Variants in MRPL37 observed in about 807,000 individuals in gnomAD.
MRPL37 encodes the protein mitochondrial ribosomal protein L37.
A neutral mutation model predicts 44.1 loss-of-function variants in MRPL37; 34 were observed. The ratio of observed to expected loss-of-function variants is 0.77; its 90% CI spans 0.59 to 1.03. The LOEUF (loss-of-function observed/expected upper bound fraction) is 1.03. Among genes scored for constraint, MRPL37 ranks in the 50% least tolerant of loss-of-function variants. The pLI, the probability that MRPL37 is intolerant of heterozygous loss-of-function variation, is 0.00. For synonymous variants in MRPL37, 212 were observed against 219.5 expected (o/e 0.97, Z 0.30); for missense variants, 532 against 543.7 (o/e 0.98, Z 0.21).
At chr1:54,224,869 T>C (rs1644264377), downstream of MRPL37, among the ~76,000 whole-genome samples, 1 of 152,122 alleles carries the variant, frequency 6.6e-6, no homozygotes, top group Non-Finnish European at 1.5e-5. Context: ...CAGCATACAC[T>C]TTCCAAAATT....
At chr1:54,203,582 T>C (rs6695073) in intron 1 of MRPL37, among the ~76,000 whole-genome samples, 1,918 of 150,478 alleles carry the variant, frequency 0.013, 40 homozygotes, top group African/African-American at 0.044. Flanking sequence ...CAAGTGATTC[T>C]CCTGCCTCAG....
chr1:54,216,392 C>T (rs2100515652), intron 6 of MRPL37, 48 bp downstream of exon 6: 1 of 1,586,622 alleles, frequency 6.3e-7, no homozygotes, highest in Middle Eastern at 2.1e-4. Context: ...ATGCCTCCTC[C>T]TACCTGGTGT....
rs1027995215 is a variant in MRPL37 at position 54,200,413 on chromosome 1, CCAT to C, written c.173_175del (p.Ile58del). On this transcript the variant is annotated inframe_deletion, in exon 1 of 7. Coordinates refer to ENST00000360840, the MANE Select transcript of MRPL37 (RefSeq NM_016491.4). ...GTGTACGAGATCCCTGGACTGGAGC[CCAT>C]CACCTTTGCGGGGAAGATGCACTTC... 6.2e-7 allele frequency: 1 copy of C among 1,614,116 alleles called. No homozygotes were observed. Among genetic ancestry groups the C allele is most frequent in the Non-Finnish European group, 8.5e-7 (1 of 1,180,046 alleles).
At chr1:54,207,261 TCTTA>T (rs1644130618) in intron 3 of MRPL37, 1 of 152,232 alleles carries the variant, frequency 6.6e-6, no homozygotes, top group South Asian at 2.1e-4. Context: ...TGGGACCATA[TCTTA>T]CTCACATTGT....
chr1:54,217,819 G>A (rs1459752453), intron 6 of MRPL37, among the ~76,000 whole-genome samples: 4 of 152,178 alleles, frequency 2.6e-5, no homozygotes, highest in Non-Finnish European at 4.4e-5. Flanking sequence ...GGATATAGGC[G>A]CAGCAGAAAG....
Position 54,218,188 on chromosome 1 carries a change from T to C in MRPL37, c.1211T>C (p.Val404Ala). 1 of 1,614,240 alleles carries C rather than the reference T, an allele frequency of 6.2e-7. No homozygotes were observed. ...TCTTTCCAGGAACCTGTTGGCCCAGTTGGTTTCAAGCCAGAGACATTCAGA... is the reference window on the plus strand; with the variant it reads ...TCTTTCCAGGAACCTGTTGGCCCAGCTGGTTTCAAGCCAGAGACATTCAGA... ...KRVVVEPVGP[V>A]GFKPETFRKF... is the part of the protein sequence containing the mutation. Residue 404 changes from valine (V) to alanine (A), a missense_variant, in exon 7 of 7, where the codon GTT becomes GCT. Transcript: ENST00000360840.
At chr1:54,219,299 TG>T (rs753094140), downstream of MRPL37, among the ~76,000 whole-genome samples, 10 of 152,330 alleles carry the variant, frequency 6.6e-5, no homozygotes, top group Non-Finnish European at 1.0e-4. Context: ...GAGCAGTTAG[TG>T]TGGGAACTTC....
intron 3 of MRPL37, among the ~76,000 whole-genome samples, chr1:54,205,842 T>C (rs1644117865): frequency 6.6e-6 from 1 of 152,166 alleles, no homozygotes; most frequent in Admixed American, 6.5e-5. Flanking sequence ...GTGCAAGTCT[T>C]TATGTCCCTG....
chr1:54,205,443 C>A lies in MRPL37; in HGVS notation c.646+33C>A, dbSNP rs535835477. 7.6e-6 allele frequency: 12 copies of A among 1,579,614 alleles called. No individual in the cohort carries two copies. In the South Asian group the frequency reaches 1.3e-4, roughly 18 times the overall value. On this transcript the variant is annotated intron_variant, in intron 3 of 6. Transcript: ENST00000360840. ...ATCTTGTACACCAGAAAGCCTTGGT[C>A]TGTTTTTTTTGCCTTTCTACTCTTA...
At chr1:54,214,788 A>T (rs762357898) in intron 5 of MRPL37, among the ~76,000 whole-genome samples, 11 of 152,254 alleles carry the variant, frequency 7.2e-5, no homozygotes, top group Non-Finnish European at 1.3e-4. Context: ...TGTAAAAGGT[A>T]AAATTGCTGA....
At chr1:54,221,388 CTCTT>C (rs1384044355), downstream of MRPL37, among the ~76,000 whole-genome samples, 16 of 152,198 alleles carry the variant, frequency 1.1e-4, no homozygotes. Flanking sequence ...TCTTGACTCT[CTCTT>C]TAACATGGAC....
At chr1:54,213,581 G>A (rs1644178774) in intron 5 of MRPL37, among the ~76,000 whole-genome samples, 2 of 152,092 alleles carry the variant, frequency 1.3e-5, no homozygotes, top group African/African-American at 2.4e-5. Context: ...TCAGTGGTTC[G>A]TTCGTAAAAT....
chr1:54,214,986 G>A (rs1182263311), intron 5 of MRPL37, among the ~76,000 whole-genome samples: 1 of 152,162 alleles, frequency 6.6e-6, no homozygotes, highest in African/African-American at 2.4e-5. Flanking sequence ...TATTCCTAAT[G>A]CCAGATTCAG....
At chr1:54,209,705 C>T (rs1570145675) in intron 3 of MRPL37, among the ~76,000 whole-genome samples, 1 of 152,078 alleles carries the variant, frequency 6.6e-6, no homozygotes, top group African/African-American at 2.4e-5. Flanking sequence ...GTGATCCACC[C>T]GCCTCAGCCT....
At chr1:54,207,814 T>C (rs1234553988) in intron 3 of MRPL37, among the ~76,000 whole-genome samples, 2 of 152,236 alleles carry the variant, frequency 1.3e-5, no homozygotes, top group Non-Finnish European at 2.9e-5. Context: ...ATCCCTTTCT[T>C]ACCTATCCAG....
chr1:54,222,818 G>A (rs905214240), downstream of MRPL37, among the ~76,000 whole-genome samples: 1 of 152,076 alleles, frequency 6.6e-6, no homozygotes, highest in Admixed American at 6.6e-5. Context: ...AATTTAACTC[G>A]CCAGAACAGA....
downstream of MRPL37, chr1:54,225,043 G>C (rs1644266875): frequency 2.5e-6 from 3 of 1,205,508 alleles, no homozygotes; most frequent in Admixed American, 1.3e-4. Flanking sequence ...GAGAAAGCAG[G>C]GAGTGGCTGT....
chr1:54,200,497 C>G lies in MRPL37; in HGVS notation c.254C>G (p.Pro85Arg). 1 of 1,614,212 alleles carries G rather than the reference C, an allele frequency of 6.2e-7. No homozygotes were observed. The highest frequency in any genetic ancestry group is 8.5e-7 in the Non-Finnish European group (1 of 1,180,038). The change falls in exon 1 of 7, where the codon CCA (proline) becomes CGA (arginine). Residue 85 changes from proline (P) to arginine (R), a missense_variant. By Grantham distance (103) the Pro-to-Arg change is moderately radical. Transcript: ENST00000360840. ...CCCTGGGACCGCGGCTACAAGGACCCAAGGTTCTACCGCTCGCCCCCTCTT... is the reference window on the plus strand; with the variant it reads ...CCCTGGGACCGCGGCTACAAGGACCGAAGGTTCTACCGCTCGCCCCCTCTT... ...FPPWDRGYKDPRFYRSPPLHE... is the reference protein window; with the variant it reads ...FPPWDRGYKDRRFYRSPPLHE...
At chr1:54,221,365 G>C (rs1000229995), downstream of MRPL37, among the ~76,000 whole-genome samples, 12 of 152,184 alleles carry the variant, frequency 7.9e-5, no homozygotes, top group African/African-American at 2.9e-4. Flanking sequence ...AAAGCATGCA[G>C]GTGACCCGAT....
Sources: gnomAD v4.1 joint callset for allele counts (sites outside exome capture counted in the v4.1 genomes callset) on GRCh38, gnomAD v4.1.1 for gene constraint, MANE v1.5 for transcripts, NCBI Gene and HGNC (gene_info 2026-07-23, HGNC 2026-07-21) for gene names.